The following MCPH1 variants were observed in gnomAD, a reference collection of about 807,000 sequenced individuals.
MCPH1 encodes the protein microcephalin.
In MCPH1, 104 loss-of-function variants were observed where a neutral mutation model predicts 84.5. That is an observed-to-expected ratio of 1.23 (90% CI 1.05 to 1.45). The LOEUF (loss-of-function observed/expected upper bound fraction) is 1.45, where lower values mean the gene tolerates loss of function less well. Ranked by LOEUF, MCPH1 falls within the 40% of genes most tolerant of loss-of-function variation. MCPH1 has a pLI of 0.00. For missense variants in MCPH1, 1,498 were observed against 1,005.7 expected (o/e 1.49, Z -6.62); for synonymous variants, 514 against 366.8 (o/e 1.40, Z -4.58).
chr8:6,640,721 T>C (rs1797887201), intron 13 of MCPH1, among the ~76,000 whole-genome samples: 1 of 152,238 alleles, frequency 6.6e-6, no homozygotes, highest in Non-Finnish European at 1.5e-5. Flanking sequence ...CCATGGCACC[T>C]ACCCTTGTGG....
At chr8:6,478,115 G>T (rs1210168802) in intron 10 of MCPH1, among the ~76,000 whole-genome samples, 1 of 152,130 alleles carries the variant, frequency 6.6e-6, no homozygotes, top group Non-Finnish European at 1.5e-5. Flanking sequence ...TATATTCTTT[G>T]CAACAGATTT....
chr8:6,439,689 A>G lies in MCPH1; in HGVS notation c.580+593A>G, dbSNP rs1803225048. 1.3e-5 allele frequency among the ~76,000 whole-genome samples: 2 copies of G among 152,142 alleles called. 1 individual carries two copies. Among genetic ancestry groups the G allele is most frequent in the South Asian group, 4.1e-4 (2 of 4,830 alleles). On this transcript the variant is annotated intron_variant, in intron 6 of 13. Transcript: ENST00000344683. ...TGGGACTGTAATCCAGGCGTGAGCC[A>G]CCGCTCCTGGCCGTGAATCATGTCT...
intron 12 of MCPH1, among the ~76,000 whole-genome samples, chr8:6,578,696 C>T (rs1827308404): frequency 6.6e-6 from 1 of 152,184 alleles, no homozygotes; most frequent in South Asian, 2.1e-4. Flanking sequence ...TCAACATGTC[C>T]AAGCTCTCAG....
At chr8:6,448,692 G>T (rs768636208) in intron 8 of MCPH1, among the ~76,000 whole-genome samples, 3 of 152,136 alleles carry the variant, frequency 2.0e-5, no homozygotes, top group Non-Finnish European at 4.4e-5. Flanking sequence ...TGCATGCATA[G>T]AATTATATTG....
At chr8:6,447,536 G>GTTTTGT in intron 8 of MCPH1, 1 of 549,526 alleles carries the variant, frequency 1.8e-6, no homozygotes, top group Non-Finnish European at 2.3e-6. Flanking sequence ...AACAATTTTG[G>GTTTTGT]TTTTGTTTTG....
chr8:6,438,867 TG>T (rs1803063420), intron 5 of MCPH1, 85 bp from the exon 6 acceptor site: 4 of 1,238,512 alleles, frequency 3.2e-6, no homozygotes, highest in African/African-American at 1.5e-5. Flanking sequence ...AAACGGGGTG[TG>T]GGGGGTTGTT....
rs2129555631 is a variant in MCPH1, at chr8:6,444,683, A to G, written c.961A>G (p.Met321Val). The change falls in exon 8 of 14, where the codon ATG becomes GTG. Residue 321 changes from methionine (M) to valine (V), a missense_variant. Transcript: ENST00000344683. Reference sequence around the variant, plus strand: ...CCCTGACCAAAAGCAGGCTGCAGGTATGTCTCAGGAGACGTTTGAAGAGAA... The same window carrying G: ...CCCTGACCAAAAGCAGGCTGCAGGTGTGTCTCAGGAGACGTTTGAAGAGAA... ...VTPDQKQAAGMSQETFEEKYR... is the reference protein window; with the variant it reads ...VTPDQKQAAGVSQETFEEKYR... 6.2e-7 allele frequency: 1 copy of G among 1,614,110 alleles called. No homozygotes were observed.
At chr8:6,569,226 C>A (rs770350365) in intron 12 of MCPH1, among the ~76,000 whole-genome samples, 3 of 152,198 alleles carry the variant, frequency 2.0e-5, no homozygotes, top group Admixed American at 6.5e-5. Flanking sequence ...TGGCACAACA[C>A]CTGCCCCTCT....
intron 12 of MCPH1, among the ~76,000 whole-genome samples, chr8:6,541,327 G>A (rs1821525054): frequency 6.6e-6 from 1 of 152,212 alleles, no homozygotes; most frequent in Admixed American, 6.5e-5. Flanking sequence ...GTGGGCAGTG[G>A]CTAAAGACAG....
chr8:6,633,847 G>A (rs71525746), intron 13 of MCPH1, among the ~76,000 whole-genome samples: 5,151 of 152,156 alleles, frequency 0.034, 227 homozygotes, highest in East Asian at 0.24. Flanking sequence ...TGAAAATGTC[G>A]AAAAGGCCTG....
chr8:6,449,536 G>T (rs904690919), intron 8 of MCPH1, among the ~76,000 whole-genome samples: 1 of 152,072 alleles, frequency 6.6e-6, no homozygotes, highest in Admixed American at 6.5e-5. Context: ...GGGAGGCTGA[G>T]GCAGGAGAAT....
chr8:6,448,074 A>G (rs1055288960), intron 8 of MCPH1, among the ~76,000 whole-genome samples: 8 of 152,142 alleles, frequency 5.3e-5, no homozygotes, highest in Admixed American at 2.0e-4. Context: ...GTTTGTGGGG[A>G]CATAGAGAAT....
chr8:6,408,477 CT>C (rs1798060601), intron 1 of MCPH1, among the ~76,000 whole-genome samples: 1 of 152,048 alleles, frequency 6.6e-6, no homozygotes, highest in Non-Finnish European at 1.5e-5. Flanking sequence ...CCGCCTCCAC[CT>C]TGCAAAATGC....
At chr8:6,532,204 T>C in intron 12 of MCPH1, 1 of 1,093,344 alleles carries the variant, frequency 9.1e-7, no homozygotes. Context: ...TTCTTATCAA[T>C]TCATTCCTTT....
chr8:6,610,285 C>T (rs141356675), intron 12 of MCPH1, among the ~76,000 whole-genome samples: 1 of 152,304 alleles, frequency 6.6e-6, no homozygotes, highest in East Asian at 1.9e-4. Context: ...AAACACGAGC[C>T]ACCTTGATTT....
chr8:6,626,566 G>A (rs989689899), intron 13 of MCPH1: 18 of 980,610 alleles, frequency 1.8e-5, no homozygotes, highest in African/African-American at 8.9e-5. Flanking sequence ...TCAAATTCCC[G>A]GCCCTAGGAA....
intron 12 of MCPH1, among the ~76,000 whole-genome samples, chr8:6,582,649 G>C (rs570382241): frequency 2.8e-4 from 42 of 152,126 alleles, no homozygotes; most frequent in Non-Finnish European, 5.0e-4. Context: ...CTCCACCTCC[G>C]AGTTCCACAT....
intron 12 of MCPH1, chr8:6,503,141 A>G: frequency 1.2e-6 from 2 of 1,614,182 alleles, no homozygotes; most frequent in Non-Finnish European, 1.7e-6. Flanking sequence ...TGTGGCCTTG[A>G]GCGAATAGCC....
chr8:6,521,610 A>G (rs1398154667), intron 12 of MCPH1, among the ~76,000 whole-genome samples: 2 of 152,364 alleles, frequency 1.3e-5, no homozygotes, highest in Non-Finnish European at 1.5e-5. Context: ...ATGTAAACGT[A>G]TAAGCATATA....
Sources: gnomAD v4.1 joint callset for allele counts (sites outside exome capture counted in the v4.1 genomes callset) on GRCh38, gnomAD v4.1.1 for gene constraint, MANE v1.5 for transcripts, NCBI Gene and HGNC (gene_info 2026-07-23, HGNC 2026-07-21) for gene names.